Variants in TRPV4 observed in about 807,000 individuals in gnomAD.
The protein encoded by TRPV4 is transient receptor potential cation channel subfamily V member 4.
Under a neutral mutation model 84.1 loss-of-function variants are expected in TRPV4, and 58 were observed. The observed-to-expected ratio is 0.69, with a 90% CI of 0.56 to 0.86. TRPV4 has a LOEUF of 0.86. Among genes scored for constraint, TRPV4 ranks in the 40% least tolerant of loss-of-function variants. The probability of loss-of-function intolerance (pLI) is 0.00; values close to 1 mark genes in which losing one functional copy is unlikely to be tolerated. For synonymous variants in TRPV4, 489 were observed against 500.9 expected, an observed-to-expected ratio of 0.98 and a Z score of 0.32; for missense variants, 879 against 1,181.1, an observed-to-expected ratio of 0.74 and a Z score of 3.75.
Position 109,783,247 on chromosome 12 carries a change from G to A in TRPV4, c.*374C>T, listed in dbSNP as rs1485928079. 4.4e-6 allele frequency: 1 copy of A among 228,402 alleles called. No homozygotes were observed. The highest frequency in any genetic ancestry group is 2.3e-5 in the African/African-American group (1 of 43,932). The allele number at this position is 228,402 out of a possible 1,614,324, so 14.1% of individuals were successfully genotyped here. ...CAGCTCAGGCGCAGGCTGAGGCTGG[G>A]GCTTGGCCGGGCAGTGCACTTGGAA... On this transcript the variant is annotated 3_prime_UTR_variant, in exon 16 of 16. Coordinates refer to ENST00000261740, the MANE Select transcript of TRPV4 (RefSeq NM_021625.5). The surrounding 1 kb of genome is among the most constrained non-coding windows in gnomAD (Gnocchi z 4.6).
At chr12:109,811,333 C>T (rs557511732) in intron 2 of TRPV4, among the ~76,000 whole-genome samples, 1 of 152,294 alleles carries the variant, frequency 6.6e-6, no homozygotes, top group South Asian at 2.1e-4. Flanking sequence ...TCAGGGCCAA[C>T]CCCACTGACT....
rs1388469584 is a variant in TRPV4 at position 109,815,998 on chromosome 12, C to T, written c.-31-1171G>A. 6.6e-6 allele frequency among the ~76,000 whole-genome samples: 1 copy of T among 152,224 alleles called. No individual in the cohort carries two copies. The highest frequency in any genetic ancestry group is 1.5e-5 in the Non-Finnish European group (1 of 68,044). On this transcript the variant is annotated intron_variant, in intron 1 of 15. Coordinates refer to ENST00000261740, the MANE Select transcript of TRPV4 (RefSeq NM_021625.5). The surrounding 1 kb of genome is among the most constrained non-coding windows in gnomAD (Gnocchi z 4.1). ...ATGGTGCCAGCCAGGCAGGGCTGGG[C>T]ACCAAGGGTGAGTTTCCTGGAACTC...
intron 1 of TRPV4, 111 bp downstream of exon 1, chr12:109,833,239 C>G (rs879670775): frequency 1.3e-5 from 2 of 152,308 alleles, no homozygotes; most frequent in Non-Finnish European, 2.9e-5. Flanking sequence ...GCCCCTGGCC[C>G]GCATTTTGGA....
At chr12:109,787,392 C>T (rs896813496) in intron 13 of TRPV4, among the ~76,000 whole-genome samples, 2 of 152,144 alleles carry the variant, frequency 1.3e-5, no homozygotes, top group African/African-American at 4.8e-5. Context: ...ATAGCTTGAA[C>T]TCAGAAGTTC....
intron 3 of TRPV4, among the ~76,000 whole-genome samples, chr12:109,807,143 G>A (rs1030552293): frequency 2.0e-5 from 3 of 151,840 alleles, no homozygotes; most frequent in Non-Finnish European, 4.4e-5. Flanking sequence ...GGGCGTGGTG[G>A]CGCATGCCTG....
rs777176504 is a variant in TRPV4, at chr12:109,814,467, G to A, written c.330C>T (p.Tyr110=). Residue 110 remains tyrosine (Y), a synonymous_variant, in exon 2 of 16, where the codon TAC becomes TAT. Coordinates refer to ENST00000261740, the MANE Select transcript of TRPV4 (RefSeq NM_021625.5). This position sits in a 1 kb window ranked among gnomAD's most constrained non-coding sequence, Gnocchi z 5.4. The part of the protein sequence containing the change: ...KKAPMDSLFD[Y]GTYRHHSSDN... ...CACTGGAGTGGTGACGATAGGTGCC[G>A]TAGTCAAACAGTGAGTCCATGGGTG... The A allele has an allele frequency of 8.1e-6, 13 of 1,614,020 alleles. No individual in the cohort carries two copies. The highest frequency in any genetic ancestry group is 6.7e-5 in the Admixed American group (4 of 60,000).
chr12:109,794,124 G>A (rs1036385332), intron 8 of TRPV4, 102 bp from the exon 9 acceptor site: 2 of 1,168,868 alleles, frequency 1.7e-6, no homozygotes, highest in African/African-American at 3.0e-5. Context: ...ATCCCATGGA[G>A]CCTCCTCCTT....
rs1333948600 is a variant in TRPV4 at position 109,793,894 on chromosome 12, C to T, written c.1584+36G>A. On this transcript the variant is annotated intron_variant, in intron 9 of 15. Transcript: ENST00000261740. The surrounding 1 kb of genome is among the most constrained non-coding windows in gnomAD (Gnocchi z 4.0). Reference sequence around the variant, plus strand: ...GAGGTGCAGGAAGAGAAGAGGAGGGCAGGCAGGGTGGGGGGCACGGGGGCC... The same window carrying T: ...GAGGTGCAGGAAGAGAAGAGGAGGGTAGGCAGGGTGGGGGGCACGGGGGCC... 5 of 1,468,972 alleles carry T rather than the reference C, an allele frequency of 3.4e-6. No homozygotes were observed. The highest frequency in any genetic ancestry group is 4.7e-6 in the Non-Finnish European group (5 of 1,062,886). The allele number at this position is 1,468,972 out of a possible 1,614,324, so 91.0% of individuals were successfully genotyped here.
At chr12:109,813,680 A>T (rs1448961187) in intron 2 of TRPV4, among the ~76,000 whole-genome samples, 1 of 152,126 alleles carries the variant, frequency 6.6e-6, no homozygotes, top group East Asian at 1.9e-4. Flanking sequence ...ATTAATAGAT[A>T]GATGGATGAT....
rs1186445597 is a variant in TRPV4 at position 109,820,514 on chromosome 12, C to CTTTTTTTTTTTTTTT, written c.-31-5688_-31-5687insAAAAAAAAAAAAAAA. Among the ~76,000 whole-genome samples, 231 of 123,060 alleles carry CTTTTTTTTTTTTTTT rather than the reference C, an allele frequency of 1.9e-3. 27 individuals carry two copies. The highest frequency in any genetic ancestry group is 5.6e-3 in the East Asian group (18 of 3,210). 80.7% of individuals were successfully genotyped at this position (123,060 alleles called of 152,430 possible). ...CTGATCTTCACTTTCTTCAGCTGCC[C>CTTTTTTTTTTTTTTT]TATTTTTTTTTTTTTTTTTTTTTTT... On this transcript the variant is annotated intron_variant, in intron 1 of 15. Coordinates refer to ENST00000261740, the MANE Select transcript of TRPV4 (RefSeq NM_021625.5).
intron 2 of TRPV4, among the ~76,000 whole-genome samples, chr12:109,810,815 C>T (rs1348985891): frequency 1.3e-5 from 2 of 152,134 alleles, no homozygotes; most frequent in East Asian, 1.9e-4. Context: ...GCCTGGACTT[C>T]CTGGGGTAGG....
intron 5 of TRPV4, among the ~76,000 whole-genome samples, 195 bp from the exon 6 acceptor site, chr12:109,799,107 G>A (rs922781358): frequency 2.6e-5 from 4 of 152,048 alleles, no homozygotes; most frequent in Non-Finnish European, 5.9e-5. Context: ...GCACAGCCAC[G>A]CGATTTGGAG....
intron 4 of TRPV4, 83 bp from the exon 5 acceptor site, chr12:109,800,841 A>C: frequency 6.8e-5 from 35 of 517,656 alleles, no homozygotes; most frequent in East Asian, 1.3e-4. Flanking sequence ...AGGGTGCAGG[A>C]CGTAGAAATT....
chr12:109,817,770 A>T (rs941116411), intron 1 of TRPV4, among the ~76,000 whole-genome samples: 3 of 152,238 alleles, frequency 2.0e-5, no homozygotes, highest in Admixed American at 2.0e-4. Context: ...GTTCTCAACC[A>T]AGGACAGTTC....
intron 2 of TRPV4, among the ~76,000 whole-genome samples, chr12:109,812,647 G>A (rs535245820): frequency 1.2e-4 from 18 of 152,246 alleles, no homozygotes; most frequent in Admixed American, 2.6e-4. Flanking sequence ...GAGAGAAGGA[G>A]AGGAAGGAAA....
intron 3 of TRPV4, among the ~76,000 whole-genome samples, chr12:109,807,605 T>C (rs1486050871): frequency 6.6e-6 from 1 of 152,132 alleles, no homozygotes; most frequent in Non-Finnish European, 1.5e-5. Flanking sequence ...AGTTTAATAA[T>C]GGCTTACCCA....
At chr12:109,802,305 C>CTT (rs548840636) in intron 4 of TRPV4, among the ~76,000 whole-genome samples, 2,430 of 138,460 alleles carry the variant, frequency 0.018, 71 homozygotes, top group African/African-American at 0.061. Context: ...TTTTTTGCAT[C>CTT]TTTTTTTTTT....
At position 109,796,480 on chromosome 12, in the gene TRPV4, C is replaced by T; in HGVS notation, c.1332+45G>A. Reference sequence around the variant, plus strand: ...CCAGGGCCCTGTCCCTACTCCCAGCCCTGCCCCTCCTTCCTCACACCCCAT... The same window carrying T: ...CCAGGGCCCTGTCCCTACTCCCAGCTCTGCCCCTCCTTCCTCACACCCCAT... On this transcript the variant is annotated intron_variant, in intron 7 of 15. Coordinates refer to ENST00000261740, the MANE Select transcript of TRPV4 (RefSeq NM_021625.5). This position sits in a 1 kb window ranked among gnomAD's most constrained non-coding sequence, Gnocchi z 4.2. The T allele has an allele frequency of 6.2e-7, 1 of 1,610,818 alleles. No individual in the cohort carries two copies. The highest frequency in any genetic ancestry group is 1.7e-4 in the Middle Eastern group (1 of 5,950).
rs866665426 is a variant in TRPV4, at chr12:109,788,839, C to T, written c.1892-123G>A. On this transcript the variant is annotated intron_variant, in intron 12 of 15. Transcript: ENST00000261740. ...AGTGAGCGGAGCACGCTGGCCCACACGCTGACCCATGTCACCCTACACATC... is the reference window on the plus strand; with the variant it reads ...AGTGAGCGGAGCACGCTGGCCCACATGCTGACCCATGTCACCCTACACATC... 1.1e-4 allele frequency: 118 copies of T among 1,115,240 alleles called. No homozygotes were observed. The Middle Eastern group carries it at 1.2e-3, about 11-fold the overall frequency. 69.1% of individuals were successfully genotyped at this position (1,115,240 alleles called of 1,614,324 possible).
Sources: allele counts gnomAD v4.1 joint callset (sites outside exome capture counted in the v4.1 genomes callset), GRCh38; gene constraint gnomAD v4.1.1; non-coding constraint Gnocchi (gnomAD v3.1); transcripts MANE v1.5; gene names NCBI Gene and HGNC (gene_info 2026-07-23, HGNC 2026-07-21).